Variants in STARD13 observed in about 807,000 individuals in gnomAD.
The protein encoded by STARD13 is StAR related lipid transfer domain containing 13.
Under a neutral mutation model 106.4 loss-of-function variants are expected in STARD13, and 62 were observed. The ratio of observed to expected loss-of-function variants is 0.58; its 90% CI spans 0.48 to 0.72. STARD13 has a LOEUF of 0.72. STARD13 is among the 30% of genes least tolerant of loss of function. The pLI is 0.00. For synonymous variants in STARD13, 565 were observed against 553.0 expected, an observed-to-expected ratio of 1.02 and a Z score of -0.31; for missense variants, 1,387 against 1,424.0, an observed-to-expected ratio of 0.97 and a Z score of 0.42.
chr13:33,652,772 A>G, the STARD13 span, among the ~76,000 whole-genome samples: 2 of 152,078 alleles, frequency 1.3e-5, no homozygotes. Flanking sequence ...GGGAATAGTA[A>G]TAGCAACTAC....
chr13:33,269,764 T>C (rs190130538), intron 1 of STARD13, among the ~76,000 whole-genome samples: 50 of 152,252 alleles, frequency 3.3e-4, no homozygotes, highest in African/African-American at 1.1e-3. Flanking sequence ...GTATAATTCT[T>C]GACACTTCAG....
At chr13:33,554,558 C>G in the STARD13 span, among the ~76,000 whole-genome samples, 1 of 152,240 alleles carries the variant, frequency 6.6e-6, no homozygotes, top group African/African-American at 2.4e-5. Context: ...TAGTAAGTAT[C>G]AAATATCTGC....
At chr13:33,359,918 CATT>C in the STARD13 span, among the ~76,000 whole-genome samples, 1 of 152,148 alleles carries the variant, frequency 6.6e-6, no homozygotes, top group Non-Finnish European at 1.5e-5. Flanking sequence ...TTAAATCTAT[CATT>C]AAGCCCTTGG....
the STARD13 span, among the ~76,000 whole-genome samples, chr13:33,528,902 A>C: frequency 6.6e-6 from 1 of 152,180 alleles, no homozygotes; most frequent in Non-Finnish European, 1.5e-5. Context: ...CCAAAATTTC[A>C]TGTAAAGAGG....
chr13:33,488,388 T>C, the STARD13 span, among the ~76,000 whole-genome samples: 1 of 152,224 alleles, frequency 6.6e-6, no homozygotes, highest in Non-Finnish European at 1.5e-5. Context: ...TTTAGAAGCC[T>C]CAGTATTATC....
chr13:33,624,574 T>C, the STARD13 span, among the ~76,000 whole-genome samples: 1 of 152,056 alleles, frequency 6.6e-6, no homozygotes, highest in African/African-American at 2.4e-5. Context: ...CTGCCCAGCA[T>C]TGGAGATCTA....
chr13:33,178,298 C>T (rs1426133069), intron 1 of STARD13, among the ~76,000 whole-genome samples: 1 of 152,172 alleles, frequency 6.6e-6, no homozygotes, highest in African/African-American at 2.4e-5. Context: ...ACTGACATTA[C>T]TTTAAAAAGT....
chr13:33,429,290 A>C, the STARD13 span, among the ~76,000 whole-genome samples: 2 of 150,850 alleles, frequency 1.3e-5, no homozygotes, highest in African/African-American at 5.0e-5. Flanking sequence ...CCATCAACAG[A>C]TGGAGTAAAG....
rs141250303 is a variant in STARD13, at chr13:33,104,602, C to G, written c.*991G>C. ...AGTGCAATAAGAAAACACCAATTAACTGTGACCAAATAGGCCACTGGTCAA... is the reference window on the plus strand; with the variant it reads ...AGTGCAATAAGAAAACACCAATTAAGTGTGACCAAATAGGCCACTGGTCAA... On this transcript the variant is annotated 3_prime_UTR_variant, in exon 14 of 14. Coordinates refer to ENST00000336934, the MANE Select transcript of STARD13 (RefSeq NM_178006.4). 476 of 152,756 alleles carry G rather than the reference C, an allele frequency of 3.1e-3. 2 individuals carry two copies. The highest frequency in any genetic ancestry group is 5.6e-3 in the Non-Finnish European group (383 of 68,026). The allele number at this position is 152,756 out of a possible 1,614,324, so 9.5% of individuals were successfully genotyped here.
the STARD13 span, among the ~76,000 whole-genome samples, chr13:33,563,105 A>T: frequency 6.8e-6 from 1 of 147,214 alleles, no homozygotes; most frequent in Admixed American, 7.0e-5. Context: ...GGCACAAAAA[A>T]ATGAAAAGAT....
chr13:33,429,786 G>C, the STARD13 span, among the ~76,000 whole-genome samples: 1 of 152,162 alleles, frequency 6.6e-6, no homozygotes, highest in African/African-American at 2.4e-5. Flanking sequence ...CAGGGTGCTG[G>C]CAGGGGAGGA....
At chr13:33,660,284 A>G in the STARD13 span, among the ~76,000 whole-genome samples, 1 of 152,222 alleles carries the variant, frequency 6.6e-6, no homozygotes, top group Non-Finnish European at 1.5e-5. Flanking sequence ...TATCTGTGTT[A>G]GTTGTCATAG....
the STARD13 span, among the ~76,000 whole-genome samples, chr13:33,632,689 G>A: frequency 6.6e-6 from 1 of 152,054 alleles, no homozygotes. Flanking sequence ...TCTGATTTGT[G>A]GGTTTTACTC....
chr13:33,121,830 C>A (rs1331183725), intron 7 of STARD13, among the ~76,000 whole-genome samples: 1 of 146,028 alleles, frequency 6.8e-6, no homozygotes, highest in Non-Finnish European at 1.5e-5. Context: ...CAGGTGTGCA[C>A]CACCACGCCC....
At chr13:33,215,428 A>C (rs1212990919) in intron 1 of STARD13, among the ~76,000 whole-genome samples, 2 of 152,222 alleles carry the variant, frequency 1.3e-5, no homozygotes, top group Non-Finnish European at 2.9e-5. Flanking sequence ...CATAACCTAT[A>C]AACATTCTTT....
the STARD13 span, among the ~76,000 whole-genome samples, chr13:33,372,486 G>A: frequency 7.9e-5 from 12 of 151,398 alleles, no homozygotes; most frequent in Non-Finnish European, 7.4e-5. Flanking sequence ...AAGCAATCTC[G>A]TATGCCTTCT....
chr13:33,491,403 C>T, the STARD13 span, among the ~76,000 whole-genome samples: 3 of 152,128 alleles, frequency 2.0e-5, no homozygotes, highest in Non-Finnish European at 4.4e-5. Flanking sequence ...TAGGAGAGAA[C>T]GTGTTCTAAT....
intron 1 of STARD13, chr13:33,276,737 AT>A (rs1281257343): frequency 6.6e-6 from 1 of 152,164 alleles, no homozygotes; most frequent in African/African-American, 2.4e-5. Flanking sequence ...AAATCCTGAC[AT>A]GTAAATTAGG....
At chr13:33,373,511 A>T in the STARD13 span, among the ~76,000 whole-genome samples, 1 of 152,154 alleles carries the variant, frequency 6.6e-6, no homozygotes, top group African/African-American at 2.4e-5. Context: ...ACTGCAGAGA[A>T]AAAACGCCAA....
Sources: gnomAD v4.1 joint callset for allele counts (sites outside exome capture counted in the v4.1 genomes callset) on GRCh38, gnomAD v4.1.1 for gene constraint, MANE v1.5 for transcripts, NCBI Gene and HGNC (gene_info 2026-07-23, HGNC 2026-07-21) for gene names.